The following EML1 variants were observed in gnomAD, a reference collection of about 807,000 sequenced individuals.
EML1 encodes EMAP like 1.
EML1 carries 27 observed loss-of-function variants against 110.4 expected under a neutral mutation model. That is an observed-to-expected ratio of 0.24 (90% CI 0.18 to 0.34). EML1 has a LOEUF of 0.34. Among genes scored for constraint, EML1 ranks in the 10% least tolerant of loss-of-function variants. The pLI, the probability that EML1 is intolerant of heterozygous loss-of-function variation, is 1.00. For synonymous variants in EML1, 344 were observed against 385.8 expected (o/e 0.89, Z 1.27); for missense variants, 741 against 1,030.9 (o/e 0.72, Z 3.85).
intron 1 of EML1, among the ~76,000 whole-genome samples, chr14:99,777,663 G>A (rs1450888778): frequency 2.6e-5 from 4 of 151,904 alleles, no homozygotes; most frequent in Admixed American, 6.6e-5. Context: ...CAAGCAATCC[G>A]CCCGCCTCAG....
chr14:99,881,992 T>A (rs1014742632), intron 4 of EML1, among the ~76,000 whole-genome samples: 1 of 152,262 alleles, frequency 6.6e-6, no homozygotes, highest in Non-Finnish European at 1.5e-5. Flanking sequence ...TCTTGTGATA[T>A]GGAAGACCTT....
At chr14:99,920,252 C>T (rs1030532114) in intron 16 of EML1, among the ~76,000 whole-genome samples, 2 of 152,186 alleles carry the variant, frequency 1.3e-5, no homozygotes, top group African/African-American at 4.8e-5. Flanking sequence ...ACTCCAATTT[C>T]TCCCATTTGC....
intron 19 of EML1, among the ~76,000 whole-genome samples, chr14:99,937,598 AAAG>A (rs1417986917): frequency 1.3e-5 from 2 of 152,116 alleles, no homozygotes; most frequent in African/African-American, 4.8e-5. Flanking sequence ...GGAAAAAAAC[AAAG>A]AAGAGGGCAC....
At chr14:99,899,175 CATA>C (rs2059719913) in intron 8 of EML1, among the ~76,000 whole-genome samples, 1 of 127,182 alleles carries the variant, frequency 7.9e-6, no homozygotes, top group South Asian at 3.0e-4. Flanking sequence ...CTTGTTATTG[CATA>C]ATATTTTATC....
chr14:99,897,003 A>T, intron 6 of EML1, 142 bp from the exon 7 acceptor site: 2 of 698,132 alleles, frequency 2.9e-6, no homozygotes, highest in Admixed American at 8.0e-5. Flanking sequence ...TTGTCATGGA[A>T]TATTTGCAAT....
chr14:99,835,246 AT>A (rs1398856019), intron 1 of EML1, among the ~76,000 whole-genome samples: 1 of 152,084 alleles, frequency 6.6e-6, no homozygotes, highest in Non-Finnish European at 1.5e-5. Flanking sequence ...AAGTTACTGA[AT>A]TTATTGGCAT....
At chr14:99,754,370 C>T (rs1364170735) in intron 1 of EML1, among the ~76,000 whole-genome samples, 1 of 152,174 alleles carries the variant, frequency 6.6e-6, no homozygotes, top group African/African-American at 2.4e-5. Context: ...CTGCCTCCCC[C>T]CACGGTGGCA....
intron 16 of EML1, among the ~76,000 whole-genome samples, chr14:99,918,499 TTTC>T (rs2060072039): frequency 6.6e-6 from 1 of 152,172 alleles, no homozygotes; most frequent in Non-Finnish European, 1.5e-5. Context: ...CAAGAAAACA[TTTC>T]AAAGTGCTGA....
intron 4 of EML1, among the ~76,000 whole-genome samples, chr14:99,890,984 T>C (rs1314917868): frequency 1.3e-5 from 2 of 152,180 alleles, no homozygotes; most frequent in African/African-American, 4.8e-5. Flanking sequence ...GGTGATAAAG[T>C]GAGGATTGCA....
chr14:99,941,767 AC>A lies in EML1; in HGVS notation c.*1656del, dbSNP rs1226735460. 6.6e-6 allele frequency: 1 copy of A among 152,206 alleles called. No individual in the cohort carries two copies. The highest frequency in any genetic ancestry group is 1.5e-5 in the Non-Finnish European group (1 of 68,040). 9.4% of individuals were successfully genotyped at this position (152,206 alleles called of 1,614,324 possible). A position where few individuals can be genotyped will look rare whatever the true frequency, so the allele number is the denominator to read the frequency against. On this transcript the variant is annotated 3_prime_UTR_variant, in exon 22 of 22. Transcript: ENST00000262233. ...AATTACCATACTCAATTGTCAGTTT[AC>A]GTGGTTTTGTGAATACTGGCAAAAG... is the stretch of plus-strand genomic sequence containing the variant.
rs990897046 is a variant in EML1, at chr14:99,781,998, A to G, written c.-27+7985A>G. 6.6e-6 allele frequency among the ~76,000 whole-genome samples: 1 copy of G among 152,186 alleles called. No individual in the cohort carries two copies. The highest frequency in any genetic ancestry group is 2.1e-4 in the South Asian group (1 of 4,826). ...CAAATACTTTCCAAATATGCCTTGC[A>G]GGGCAAGCACGGCTAAACCCGGGTC... On this transcript the variant is annotated intron_variant, in intron 1 of 22. Coordinates refer to the EML1 transcript ENST00000327921. This position sits in a 1 kb window ranked among gnomAD's most constrained non-coding sequence, Gnocchi z 4.2.
chr14:99,864,626 A>G lies in EML1; in HGVS notation c.251-888A>G, dbSNP rs541874706. Among the ~76,000 whole-genome samples, 56 of 152,144 alleles carry G rather than the reference A, an allele frequency of 3.7e-4. No individual in the cohort carries two copies. In the South Asian group the frequency reaches 7.7e-3, roughly 21 times the overall value. On this transcript the variant is annotated intron_variant, in intron 2 of 21. Transcript: ENST00000262233. ...CAGGAGTTCGAGACCAGCCTGGCCAACATGGCGAAACCCCATCTCTACTAA... is the reference window on the plus strand; with the variant it reads ...CAGGAGTTCGAGACCAGCCTGGCCAGCATGGCGAAACCCCATCTCTACTAA...
chr14:99,792,438 C>A (rs555173127), upstream of EML1, among the ~76,000 whole-genome samples: 1 of 152,298 alleles, frequency 6.6e-6, no homozygotes, highest in South Asian at 2.1e-4. Flanking sequence ...TTATTTGGCG[C>A]ATCTTTACTT....
At chr14:99,852,824 TG>T (rs1294865012) in intron 2 of EML1, among the ~76,000 whole-genome samples, 1 of 152,208 alleles carries the variant, frequency 6.6e-6, no homozygotes, top group Non-Finnish European at 1.5e-5. Flanking sequence ...TCGTGTGAGA[TG>T]GCTGGCTACA....
At chr14:99,823,886 G>A (rs2058305860) in intron 1 of EML1, among the ~76,000 whole-genome samples, 1 of 152,154 alleles carries the variant, frequency 6.6e-6, no homozygotes, top group African/African-American at 2.4e-5. Context: ...GATTCTTCCA[G>A]GCTAAAGTAA....
At position 99,827,879 on chromosome 14, in the gene EML1, G is replaced by A. The variant is rs909964071; in HGVS notation, c.68-22974G>A. Among the ~76,000 whole-genome samples, 1 of 152,152 alleles carries A rather than the reference G, an allele frequency of 6.6e-6. No individual in the cohort carries two copies. Among genetic ancestry groups the A allele is most frequent in the African/African-American group, 2.4e-5 (1 of 41,424 alleles). ...GCAGACCCGCAGGCATGGGTCCCGT[G>A]AGCACCCAGCAGGGTGTCTGGGTGC... On this transcript the variant is annotated intron_variant, in intron 1 of 21. Transcript: ENST00000262233. This position sits in a 1 kb window ranked among gnomAD's most constrained non-coding sequence, Gnocchi z 4.4.
chr14:99,793,886 G>A (rs1030907107), intron 1 of EML1, among the ~76,000 whole-genome samples: 1 of 151,624 alleles, frequency 6.6e-6, no homozygotes, highest in Non-Finnish European at 1.5e-5. Flanking sequence ...CCGCGTTCCG[G>A]GGAACGTGTT....
chr14:99,844,536 C>T (rs952792344), intron 1 of EML1, among the ~76,000 whole-genome samples: 2 of 141,214 alleles, frequency 1.4e-5, no homozygotes, highest in African/African-American at 5.0e-5. Flanking sequence ...CTTAAATGCT[C>T]ATAAAATTAC....
At chr14:99,861,588 TCTC>T (rs1388112674) in intron 2 of EML1, among the ~76,000 whole-genome samples, 1 of 152,142 alleles carries the variant, frequency 6.6e-6, no homozygotes, top group Non-Finnish European at 1.5e-5. Context: ...TTCAAGCAAT[TCTC>T]CTGCCTCAGC....
Sources: allele counts gnomAD v4.1 joint callset (sites outside exome capture counted in the v4.1 genomes callset), GRCh38; gene constraint gnomAD v4.1.1; non-coding constraint Gnocchi (gnomAD v3.1); transcripts MANE v1.5; gene names NCBI Gene and HGNC (gene_info 2026-07-23, HGNC 2026-07-21).